The following SHOC2 variants were observed in gnomAD, a reference collection of about 807,000 sequenced individuals.
SHOC2 encodes the protein SHOC2 leucine rich repeat scaffold protein, also known as leucine-rich repeat protein SHOC-2.
SHOC2 carries 4 observed loss-of-function variants against 50.2 expected under a neutral mutation model. The observed-to-expected ratio is 0.08, with a 90% confidence interval of 0.04 to 0.18. The LOEUF (loss-of-function observed/expected upper bound fraction) is 0.18, where lower values mean the gene tolerates loss of function less well. SHOC2 is among the 10% of genes least tolerant of loss of function. The pLI is 1.00. For synonymous variants in SHOC2, 218 were observed against 244.5 expected (o/e 0.89, Z 1.01); for missense variants, 388 against 669.6 (o/e 0.58, Z 4.64).
intron 3 of SHOC2, 26 bp downstream of exon 3, chr10:110,985,791 A>G (rs745898621): frequency 1.7e-5 from 26 of 1,575,080 alleles, no homozygotes; most frequent in Non-Finnish European, 3.5e-6. Flanking sequence ...GGAGATATTG[A>G]TAGCTGTTAA....
Position 111,000,554 on chromosome 10 carries a change from TG to T in SHOC2, c.972+11del, listed in dbSNP as rs760708561. 2 of 1,607,190 alleles carry T rather than the reference TG, an allele frequency of 1.2e-6. No individual in the cohort carries two copies. Among genetic ancestry groups the T allele is most frequent in the Non-Finnish European group, 1.7e-6 (2 of 1,175,046 alleles). On this transcript the variant is annotated intron_variant, in intron 4 of 8. Transcript: ENST00000369452. Reference sequence around the variant, plus strand: ...TTTCTACTTTACCAGAGGTAAGAAGTGGATTAGAGAAAACAAGATTTGAAAT... The same window carrying T: ...TTTCTACTTTACCAGAGGTAAGAAGTGATTAGAGAAAACAAGATTTGAAAT...
chr10:110,970,038 A>G (rs985444937), intron 2 of SHOC2, among the ~76,000 whole-genome samples: 3 of 152,220 alleles, frequency 2.0e-5, no homozygotes, highest in African/African-American at 7.2e-5. Context: ...TTCACTGGAC[A>G]CATTCAAAAT....
At chr10:110,944,443 T>G (rs1847210261) in intron 1 of SHOC2, among the ~76,000 whole-genome samples, 1 of 151,554 alleles carries the variant, frequency 6.6e-6, no homozygotes, top group Non-Finnish European at 1.5e-5. Context: ...CTGGATTTCC[T>G]CAGGGACAGT....
chr10:110,940,915 T>G (rs954833844), intron 1 of SHOC2, among the ~76,000 whole-genome samples: 10 of 564 alleles, frequency 0.018, 1 homozygote, highest in Admixed American at 0.067. Flanking sequence ...GGTGGGTTTT[T>G]TTTTTTTTTT....
intron 2 of SHOC2, among the ~76,000 whole-genome samples, chr10:110,974,452 C>T (rs1287437058): frequency 6.6e-6 from 1 of 152,006 alleles, no homozygotes; most frequent in African/African-American, 2.4e-5. Context: ...GTTTTACATT[C>T]AACAGTGTCA....
chr10:110,983,426 G>T (rs1335060227), intron 2 of SHOC2, among the ~76,000 whole-genome samples: 1 of 151,936 alleles, frequency 6.6e-6, no homozygotes, highest in Non-Finnish European at 1.5e-5. Flanking sequence ...TTGAGATCCT[G>T]CCTCTTTTGT....
Position 110,964,775 on chromosome 10 carries a change from A to G in SHOC2, c.417A>G (p.Pro139=), listed in dbSNP as rs762214060. The part of the protein sequence containing the change: ...YLYSNKLQSL[P]AEVGCLVNLM... Reference sequence around the variant, plus strand: ...ACAGTAACAAATTGCAGTCCCTCCCAGCAGAGGTGGGATGTTTAGTAAATC... The same window carrying G: ...ACAGTAACAAATTGCAGTCCCTCCCGGCAGAGGTGGGATGTTTAGTAAATC... The change falls in exon 2 of 9, where the codon CCA becomes CCG. Residue 139 remains proline (P), a synonymous_variant. Transcript: ENST00000369452. The surrounding 1 kb of genome is among the most constrained non-coding windows in gnomAD (Gnocchi z 4.9). The G allele has an allele frequency of 1.2e-6, 2 of 1,614,134 alleles. No individual in the cohort carries two copies. The highest frequency in any genetic ancestry group is 1.7e-6 in the Non-Finnish European group (2 of 1,179,972).
intron 1 of SHOC2, chr10:110,951,644 T>C (rs1307425301): frequency 6.6e-6 from 1 of 152,228 alleles, no homozygotes; most frequent in Admixed American, 6.5e-5. Flanking sequence ...AATCAACCTA[T>C]GTCTTCATTG....
At chr10:110,928,305 GCAA>G (rs1322610691) in intron 1 of SHOC2, among the ~76,000 whole-genome samples, 3 of 151,712 alleles carry the variant, frequency 2.0e-5, no homozygotes, top group Admixed American at 6.6e-5. Context: ...CAACAAACAA[GCAA>G]AATAATTTCC....
intron 1 of SHOC2, among the ~76,000 whole-genome samples, chr10:110,939,969 A>G (rs949961669): frequency 6.6e-6 from 1 of 152,164 alleles, no homozygotes; most frequent in Non-Finnish European, 1.5e-5. Flanking sequence ...AATTTATAGA[A>G]TATATTCTTT....
intron 2 of SHOC2, among the ~76,000 whole-genome samples, chr10:110,972,689 T>C (rs957326721): frequency 6.6e-6 from 1 of 152,046 alleles, no homozygotes; most frequent in Non-Finnish European, 1.5e-5. Context: ...TACAAAAAAT[T>C]AGCTGGGCAT....
At chr10:110,962,096 A>T (rs749649236) in intron 1 of SHOC2, among the ~76,000 whole-genome samples, 5 of 151,850 alleles carry the variant, frequency 3.3e-5, no homozygotes, top group Non-Finnish European at 5.9e-5. Flanking sequence ...AGAAAAGTTT[A>T]CTTTTTATTT....
rs1848064911 is a variant in SHOC2 at position 110,985,750 on chromosome 10, C to T, written c.826C>T (p.Leu276Phe). The T allele has an allele frequency of 1.9e-6, 3 of 1,612,576 alleles. No individual in the cohort carries two copies. Among genetic ancestry groups the T allele is most frequent in the African/African-American group, 2.7e-5 (2 of 74,660 alleles). Reference sequence around the variant, plus strand: ...CTTGCAGCACAATGAACTGCTAGACCTCCCAGATACTATAGGTATGAGAGG... The same window carrying T: ...CTTGCAGCACAATGAACTGCTAGACTTCCCAGATACTATAGGTATGAGAGG... Reference protein sequence around the residue: ...LDLQHNELLDLPDTIGNLSSL... With the variant: ...LDLQHNELLDFPDTIGNLSSL... Residue 276 changes from leucine to phenylalanine, a missense_variant, in exon 3 of 9, where the codon CTC (leucine) becomes TTC (phenylalanine). Around this residue, in one of 5 missense-constraint regions of SHOC2, gnomAD observed 48 missense variants for 151.6 expected, o/e 0.32. Coordinates refer to ENST00000369452, the MANE Select transcript of SHOC2 (RefSeq NM_007373.4).
chr10:110,960,799 C>T (rs1847555985), intron 1 of SHOC2, among the ~76,000 whole-genome samples: 1 of 152,136 alleles, frequency 6.6e-6, no homozygotes, highest in Non-Finnish European at 1.5e-5. Flanking sequence ...CTTCAGCCTC[C>T]CGACTAGCTG....
At position 110,946,297 on chromosome 10, in the gene SHOC2, T is replaced by C. The variant is rs117461686; in HGVS notation, c.-234-17828T>C. On this transcript the variant is annotated intron_variant, in intron 1 of 8. Transcript: ENST00000369452. ...TATTTCTTAAAGAAGAAATTTATTC[T>C]AAAAAATTATGTCTAGATACATTAA... Among the ~76,000 whole-genome samples the C allele has an allele frequency of 4.8e-3, 720 of 151,260 alleles. 3 individuals are homozygous for C. Among genetic ancestry groups the C allele is most frequent in the Non-Finnish European group, 6.1e-3 (413 of 67,840 alleles).
intron 2 of SHOC2, among the ~76,000 whole-genome samples, chr10:110,979,532 A>G (rs764722475): frequency 2.0e-5 from 3 of 152,060 alleles, no homozygotes; most frequent in Non-Finnish European, 4.4e-5. Flanking sequence ...TTAAGGGTAA[A>G]TTCCCTCTAG....
At chr10:110,919,785 G>A (rs1484385076) in intron 1 of SHOC2, 128 bp downstream of exon 1, 9 of 393,376 alleles carry the variant, frequency 2.3e-5, no homozygotes, top group Non-Finnish European at 4.0e-5. Context: ...GGCGCGAGCC[G>A]GCAGCGCCGG....
At chr10:111,007,003 A>T (rs1848480766) in intron 5 of SHOC2, among the ~76,000 whole-genome samples, 2 of 152,158 alleles carry the variant, frequency 1.3e-5, no homozygotes, top group Admixed American at 1.3e-4. Flanking sequence ...TTTTAAAGTG[A>T]AATGGTAAAT....
intron 1 of SHOC2, among the ~76,000 whole-genome samples, chr10:110,949,480 G>A (rs996495543): frequency 1.3e-5 from 2 of 152,070 alleles, no homozygotes; most frequent in Non-Finnish European, 1.5e-5. Context: ...TGGACCTGAA[G>A]GCTCCACTGG....
Sources: gnomAD v4.1 joint callset for allele counts (sites outside exome capture counted in the v4.1 genomes callset) on GRCh38, gnomAD v4.1.1 for gene constraint, gnomAD v4.1.1 regional missense constraint, Gnocchi (gnomAD v3.1) non-coding constraint, MANE v1.5 for transcripts, NCBI Gene and HGNC (gene_info 2026-07-23, HGNC 2026-07-21) for gene names.